Variants in GGT1 observed in about 807,000 individuals in gnomAD.
The protein encoded by GGT1 is glutathione hydrolase 1 proenzyme.
Under a neutral mutation model 56.0 loss-of-function variants are expected in GGT1, and 21 were observed. The ratio of observed to expected loss-of-function variants is 0.38; its 90% CI spans 0.27 to 0.54. GGT1 has a LOEUF of 0.54. Ranked by LOEUF, GGT1 falls within the 20% of genes least tolerant of loss-of-function variation. The probability of loss-of-function intolerance (pLI) is 0.82; values close to 1 mark genes in which losing one functional copy is unlikely to be tolerated. For missense variants in GGT1, 466 were observed against 787.0 expected (o/e 0.59, Z 4.88); for synonymous variants, 238 against 342.6 (o/e 0.69, Z 3.37).
upstream of GGT1, chr22:24,592,609 G>T (rs908495138): frequency 1.9e-6 from 1 of 530,626 alleles, no homozygotes; most frequent in African/African-American, 2.0e-5. Flanking sequence ...GACACACTCA[G>T]CAGCCCCCTC....
rs756585776 is a variant in GGT1 at position 24,620,994 on chromosome 22, G to T, written c.657G>T (p.Thr219=). 3 of 1,611,466 alleles carry T rather than the reference G, an allele frequency of 1.9e-6. No homozygotes were observed. The highest frequency in any genetic ancestry group is 1.7e-5 in the Admixed American group (1 of 59,924). ...TLPQLADTYE[T]LAIEGAQAFY... ...CGCAGCTGGCTGACACCTACGAGAC[G>T]CTGGCCATCGAGGGTGCCCAGGCCT... Residue 219 remains threonine, a synonymous_variant, in exon 9 of 16, where the codon ACG becomes ACT. Coordinates refer to ENST00000400382, the MANE Select transcript of GGT1 (RefSeq NM_001288833.2). This position sits in a 1 kb window ranked among gnomAD's most constrained non-coding sequence, Gnocchi z 5.6.
intron 11 of GGT1, among the ~76,000 whole-genome samples, chr22:24,626,484 G>A (rs566825513): frequency 3.2e-4 from 48 of 148,344 alleles, no homozygotes; most frequent in Non-Finnish European, 5.3e-4. Context: ...CCTTGCCCGT[G>A]AACCCATGCT....
At position 24,628,251 on chromosome 22, in the gene GGT1, G is replaced by C. The variant is rs913880403; in HGVS notation, c.1450-24G>C. On this transcript the variant is annotated intron_variant, in intron 14 of 15. Coordinates refer to ENST00000400382, the MANE Select transcript of GGT1 (RefSeq NM_001288833.2). The surrounding 1 kb of genome is among the most constrained non-coding windows in gnomAD (Gnocchi z 5.7). ...CCACCCTGCACAGCCCCCAAGCCAT[G>C]CTGATCACACTCCCATGCCCCAGGC... The C allele has an allele frequency of 6.2e-7, 1 of 1,611,966 alleles. No individual in the cohort carries two copies. The highest frequency in any genetic ancestry group is 8.5e-7 in the Non-Finnish European group (1 of 1,179,838).
chr22:24,592,530 T>C, upstream of GGT1: 4 of 436,464 alleles, frequency 9.2e-6, no homozygotes, highest in South Asian at 5.4e-5. Context: ...GGCCTGAATT[T>C]GGGCTCTTAG....
the GGT1 span, chr22:24,589,273 G>T: frequency 4.8e-6 from 6 of 1,255,334 alleles, no homozygotes; most frequent in Admixed American, 1.7e-4. Context: ...CAGCTGTGGG[G>T]TGGAGGCTGC....
upstream of GGT1, among the ~76,000 whole-genome samples, chr22:24,590,233 T>C (rs1462171517): frequency 6.6e-6 from 1 of 151,996 alleles, no homozygotes; most frequent in Non-Finnish European, 1.5e-5. Context: ...CCTCAAGGAA[T>C]CCTCCCACTT....
In GGT1 at chr22:24,628,222, G is replaced by A. The variant is rs374097710; in HGVS notation, c.1449+29G>A. On this transcript the variant is annotated intron_variant, in intron 14 of 15. Transcript: ENST00000400382. This position sits in a 1 kb window ranked among gnomAD's most constrained non-coding sequence, Gnocchi z 5.7. ...TGTGTCACACCTTTTCTCCCTGGCC[G>A]TGCCCACCCTGCACAGCCCCCAAGC... 92 of 1,611,784 alleles carry A rather than the reference G, an allele frequency of 5.7e-5. No homozygotes were observed. Among genetic ancestry groups the A allele is most frequent in the Middle Eastern group, 2.2e-4 (1 of 4,452 alleles).
At chr22:24,621,923 G>C (rs1450995230) in intron 9 of GGT1, among the ~76,000 whole-genome samples, 1 of 152,024 alleles carries the variant, frequency 6.6e-6, no homozygotes, top group Non-Finnish European at 1.5e-5. Flanking sequence ...GGTAGGTTGT[G>C]CCTGTAATCC....
At chr22:24,599,365 A>G (rs2045745708), upstream of GGT1, 1 of 135,974 alleles carries the variant, frequency 7.4e-6, no homozygotes, top group South Asian at 2.3e-4. Context: ...GCCCCACTCC[A>G]AAAAAAAAAA....
In GGT1 at chr22:24,627,451, C is replaced by T; in HGVS notation, c.1040C>T (p.Ser347Phe). 1.9e-6 allele frequency: 3 copies of T among 1,601,810 alleles called. No individual in the cohort carries two copies. Among genetic ancestry groups the T allele is most frequent in the African/African-American group, 1.4e-5 (1 of 73,954 alleles). The change falls in exon 12 of 16, where the codon TCC becomes TTC. Residue 347 changes from serine (S) to phenylalanine (F), a missense_variant. Physicochemically the swap from Ser to Phe is radical, Grantham distance 155. Transcript: ENST00000400382. ...DVTEVVRNMT[S>F]EFFAAQLRAQ... Reference sequence around the variant, plus strand: ...CGGCAGGTGGTCCGCAACATGACCTCCGAGTTCTTCGCTGCCCAGCTCCGG... The same window carrying T: ...CGGCAGGTGGTCCGCAACATGACCTTCGAGTTCTTCGCTGCCCAGCTCCGG...
Position 24,628,067 on chromosome 22 carries a change from C to T in GGT1, c.1337-14C>T, listed in dbSNP as rs776865011. 9 of 1,611,762 alleles carry T rather than the reference C, an allele frequency of 5.6e-6. No individual in the cohort carries two copies. The highest frequency in any genetic ancestry group is 7.6e-6 in the Non-Finnish European group (9 of 1,179,804). On this transcript the variant is annotated splice_polypyrimidine_tract_variant and intron_variant, in intron 13 of 15. Transcript: ENST00000400382. The surrounding 1 kb of genome is among the most constrained non-coding windows in gnomAD (Gnocchi z 5.7). ...CAGCTGACGGGCATCCCTGTCTTCT[C>T]CCATCGGCCGCAGGGAAGCAGCCGC...
At chr22:24,614,431 CA>C (rs1433546586) in intron 5 of GGT1, among the ~76,000 whole-genome samples, 2 of 138,946 alleles carry the variant, frequency 1.4e-5, no homozygotes, top group Non-Finnish European at 3.1e-5. Flanking sequence ...GCCTGGCCAA[CA>C]TGGTGAAACC....
chr22:24,596,785 T>C (rs1008289859), intron 1 of GGT1, among the ~76,000 whole-genome samples: 8 of 147,534 alleles, frequency 5.4e-5, no homozygotes, highest in African/African-American at 1.8e-4. Flanking sequence ...TGGTGACACA[T>C]GCCTGTAGTC....
Position 24,628,478 on chromosome 22 carries a change from G to C in GGT1, c.1563+90G>C, listed in dbSNP as rs2047926954. The C allele has an allele frequency of 6.5e-7, 1 of 1,548,576 alleles. No homozygotes were observed. Among genetic ancestry groups the C allele is most frequent in the African/African-American group, 1.4e-5 (1 of 72,220 alleles). ...CTGGATCATCACAGAGTGGACAATG[G>C]TTGGTGTCCTCTCTCTAGTGCCTGG... On this transcript the variant is annotated intron_variant, in intron 15 of 15. Transcript: ENST00000400382. The surrounding 1 kb of genome is among the most constrained non-coding windows in gnomAD (Gnocchi z 5.7).
intron 2 of GGT1, 49 bp downstream of exon 2, chr22:24,608,072 C>T (rs1309440606): frequency 6.5e-6 from 3 of 461,368 alleles, no homozygotes; most frequent in Non-Finnish European, 1.3e-5. Context: ...TGAGGCCAAC[C>T]ATGGCAGCTG....
intron 11 of GGT1, 170 bp downstream of exon 11, chr22:24,624,086 C>A: frequency 1.0e-6 from 1 of 985,436 alleles, no homozygotes; most frequent in Non-Finnish European, 1.2e-6. Flanking sequence ...GACCCCCAGT[C>A]TTGGCTTCTG....
In GGT1 at chr22:24,622,233, C is replaced by T. The variant is rs547601157; in HGVS notation, c.734-874C>T. Among the ~76,000 whole-genome samples the T allele has an allele frequency of 1.0e-4, 15 of 150,368 alleles. No individual in the cohort carries two copies. The East Asian group carries it at 2.9e-3, about 30-fold the overall frequency. On this transcript the variant is annotated intron_variant, in intron 9 of 15. Transcript: ENST00000400382. ...ATATAGTGGGGGTGGGGGTGGGGAACAAGAAAACAAAAAATTCAAAGCATA... is the reference window on the plus strand; with the variant it reads ...ATATAGTGGGGGTGGGGGTGGGGAATAAGAAAACAAAAAATTCAAAGCATA...
chr22:24,602,294 T>TAGGGCTCTTCCCC (rs1469752105), upstream of GGT1, among the ~76,000 whole-genome samples: 2 of 152,136 alleles, frequency 1.3e-5, no homozygotes. Flanking sequence ...GCCCCTTCCC[T>TAGGGCTCTTCCCC]AGGGCTCTTC....
Position 24,605,234 on chromosome 22 carries a change from ATATTATATATTATATAATATG to A in GGT1, c.-429+1833_-429+1853del, listed in dbSNP as rs1300085759. Reference sequence around the variant, plus strand: ...TATTATATATTATATAATATGTATTATATTATATATTATATAATATGTATTATATATTATATAATATGTATT... The same window carrying A: ...TATTATATATTATATAATATGTATTATATTATATATTATATAATATGTATT... On this transcript the variant is annotated intron_variant, in intron 1 of 15. Transcript: ENST00000400382. 7.9e-4 allele frequency among the ~76,000 whole-genome samples: 16 copies of A among 20,134 alleles called. 2 individuals are homozygous for A. The highest frequency in any genetic ancestry group is 5.3e-3 in the Admixed American group (5 of 936). 13.2% of individuals were successfully genotyped at this position (20,134 alleles called of 152,430 possible).
Sources: allele counts gnomAD v4.1 joint callset (sites outside exome capture counted in the v4.1 genomes callset), GRCh38; gene constraint gnomAD v4.1.1; non-coding constraint Gnocchi (gnomAD v3.1); transcripts MANE v1.5; gene names NCBI Gene and HGNC (gene_info 2026-07-23, HGNC 2026-07-21).